The following MYO3A variants were observed in gnomAD, a reference collection of about 807,000 sequenced individuals.
The protein encoded by MYO3A is myosin-IIIa.
Under a neutral mutation model 192.7 loss-of-function variants are expected in MYO3A, and 180 were observed. The observed-to-expected ratio is 0.93, with a 90% CI of 0.83 to 1.06. The LOEUF (loss-of-function observed/expected upper bound fraction) is 1.06, where lower values mean the gene tolerates loss of function less well. Among genes scored for constraint, MYO3A ranks in the 50% least tolerant of loss-of-function variants. The probability of loss-of-function intolerance (pLI) is 0.00; values close to 1 mark genes in which losing one functional copy is unlikely to be tolerated. For synonymous variants in MYO3A, 628 were observed against 645.3 expected, an observed-to-expected ratio of 0.97 and a Z score of 0.41; for missense variants, 1,896 against 1,905.0, an observed-to-expected ratio of 1.00 and a Z score of 0.09.
chr10:26,169,791 T>G (rs1219021357), intron 28 of MYO3A, among the ~76,000 whole-genome samples: 1 of 152,234 alleles, frequency 6.6e-6, no homozygotes, highest in African/African-American at 2.4e-5. Flanking sequence ...GCTCTAATCC[T>G]TTATCCACAA....
rs1451269484 is a variant in MYO3A at position 26,107,354 on chromosome 10, G to A, written c.1776+10672G>A. Among the ~76,000 whole-genome samples the A allele has an allele frequency of 3.3e-5, 5 of 151,790 alleles. No individual in the cohort carries two copies. In the South Asian group the frequency reaches 6.2e-4, roughly 19 times the overall value. On this transcript the variant is annotated intron_variant, in intron 17 of 34. Transcript: ENST00000642920. ...AAATTAGCCAGGCGTGGTGGCAGGC[G>A]CCTGTAATCCTAGCTACTTCGGAGG... is the stretch of plus-strand genomic sequence containing the variant.
At chr10:25,936,607 A>C (rs6482521) in intron 2 of MYO3A, among the ~76,000 whole-genome samples, 12,398 of 152,186 alleles carry the variant, frequency 0.081, 651 homozygotes, top group African/African-American at 0.14. Flanking sequence ...TAAGCTTTCA[A>C]ATTGATACAC....
At chr10:26,084,620 C>T (rs909033559) in intron 14 of MYO3A, among the ~76,000 whole-genome samples, 2 of 152,214 alleles carry the variant, frequency 1.3e-5, no homozygotes, top group Non-Finnish European at 2.9e-5. Context: ...CCTTCTGCTT[C>T]AGCCTTCCAA....
rs1299201183 is a variant in MYO3A at position 25,957,616 on chromosome 10, A to T, written c.303+2608A>T. On this transcript the variant is annotated intron_variant, in intron 4 of 34. Coordinates refer to ENST00000642920, the MANE Select transcript of MYO3A (RefSeq NM_017433.5). ...TTGGGTATATACCCAGTAATGCAAT[A>T]GATAGCTGGGTTTCATGGTAGTTCT... 2.0e-5 allele frequency among the ~76,000 whole-genome samples: 3 copies of T among 152,148 alleles called. No homozygotes were observed. In the East Asian group the frequency reaches 5.8e-4, roughly 29 times the overall value.
chr10:26,120,865 A>G, intron 18 of MYO3A, 63 bp downstream of exon 18: 1 of 1,576,882 alleles, frequency 6.3e-7, no homozygotes, highest in Non-Finnish European at 8.7e-7. Context: ...TACCATAAGT[A>G]TCACATAAGG....
At chr10:26,146,796 T>G (rs12219979) in intron 22 of MYO3A, among the ~76,000 whole-genome samples, 3 of 152,034 alleles carry the variant, frequency 2.0e-5, no homozygotes, top group African/African-American at 7.2e-5. Context: ...ACAAAAATCT[T>G]TGGATAACAT....
At chr10:25,944,277 A>C (rs890676323) in intron 2 of MYO3A, among the ~76,000 whole-genome samples, 7 of 151,942 alleles carry the variant, frequency 4.6e-5, no homozygotes, top group African/African-American at 1.7e-4. Context: ...GATCCTTTTA[A>C]TATGCTGTTG....
chr10:26,040,867 A>G (rs72793954), intron 10 of MYO3A, among the ~76,000 whole-genome samples: 24,718 of 152,086 alleles, frequency 0.16, 2,299 homozygotes, highest in Non-Finnish European at 0.21. Flanking sequence ...TGTGTATTCT[A>G]TAGCCATTGG....
chr10:26,183,031 A>C (rs6482535), intron 31 of MYO3A, among the ~76,000 whole-genome samples: 22,475 of 152,210 alleles, frequency 0.15, 1,813 homozygotes, highest in East Asian at 0.3. Context: ...AATCCATGCG[A>C]GATGACAGCC....
chr10:26,127,757 A>G (rs1589003795), intron 19 of MYO3A, among the ~76,000 whole-genome samples: 1 of 38,886 alleles, frequency 2.6e-5, no homozygotes, highest in Admixed American at 2.0e-4. Context: ...GACCAATAGT[A>G]AAAAAAAAAA....
At chr10:26,156,625 G>A (rs1187013758) in intron 25 of MYO3A, among the ~76,000 whole-genome samples, 6 of 152,042 alleles carry the variant, frequency 3.9e-5, no homozygotes, top group African/African-American at 1.2e-4. Flanking sequence ...CATATTAAAC[G>A]CTATTGACTT....
intron 26 of MYO3A, among the ~76,000 whole-genome samples, chr10:26,163,878 C>T (rs916511731): frequency 2.0e-5 from 3 of 152,056 alleles, no homozygotes; most frequent in Admixed American, 6.5e-5. Flanking sequence ...AGCGTTTAAG[C>T]AACAAGTCAT....
At chr10:26,006,715 G>C (rs1312892580) in intron 6 of MYO3A, among the ~76,000 whole-genome samples, 1 of 151,742 alleles carries the variant, frequency 6.6e-6, no homozygotes, top group Admixed American at 6.6e-5. Context: ...CCAATAACAG[G>C]CTCTGAAATT....
chr10:26,111,843 A>C, intron 17 of MYO3A, among the ~76,000 whole-genome samples: 1 of 152,178 alleles, frequency 6.6e-6, no homozygotes, highest in East Asian at 1.9e-4. Flanking sequence ...TAACTGGAAG[A>C]TGTACAATAA....
intron 17 of MYO3A, among the ~76,000 whole-genome samples, chr10:26,099,646 T>C (rs896296470): frequency 6.6e-6 from 1 of 152,210 alleles, no homozygotes; most frequent in African/African-American, 2.4e-5. Context: ...GTTGAAGGCC[T>C]TTTCTGCATC....
At position 26,010,013 on chromosome 10, in the gene MYO3A, G is replaced by T. The variant is rs536662575; in HGVS notation, c.509-6807G>T. ...AGCTAAGGTCCAGTACTGGACATATGTACACATGTACATAGTCATCCAGGA... is the reference window on the plus strand; with the variant it reads ...AGCTAAGGTCCAGTACTGGACATATTTACACATGTACATAGTCATCCAGGA... On this transcript the variant is annotated intron_variant, in intron 6 of 34. Transcript: ENST00000642920. Among the ~76,000 whole-genome samples, 4 of 152,272 alleles carry T rather than the reference G, an allele frequency of 2.6e-5. No individual in the cohort carries two copies. In the East Asian group the frequency reaches 5.8e-4, roughly 22 times the overall value.
intron 7 of MYO3A, 157 bp downstream of exon 7, chr10:26,017,053 C>T (rs1588785367): frequency 1.3e-5 from 10 of 775,192 alleles, no homozygotes; most frequent in East Asian, 2.7e-5. Context: ...TGAGGAGGCA[C>T]CTGGGAGGTG....
chr10:26,204,622 A>C (rs2132221459), intron 34 of MYO3A: 1 of 152,362 alleles, frequency 6.6e-6, no homozygotes, highest in East Asian at 1.9e-4. Context: ...TAAATCTACA[A>C]AGTTTAGTGA....
chr10:26,075,255 TTTC>T (rs1835456448), intron 14 of MYO3A, among the ~76,000 whole-genome samples: 1 of 151,838 alleles, frequency 6.6e-6, no homozygotes, highest in Non-Finnish European at 1.5e-5. Context: ...TTTTGGATTT[TTTC>T]TTTTTTAATT....
Sources: gnomAD v4.1 joint callset for allele counts (sites outside exome capture counted in the v4.1 genomes callset) on GRCh38, gnomAD v4.1.1 for gene constraint, MANE v1.5 for transcripts, NCBI Gene and HGNC (gene_info 2026-07-23, HGNC 2026-07-21) for gene names.